Variants in TRAF3 observed in about 807,000 individuals in gnomAD.
The protein encoded by TRAF3 is TNF receptor associated factor 3, also known as TNF receptor-associated factor 3.
TRAF3 carries 13 observed loss-of-function variants against 62.3 expected under a neutral mutation model. The ratio of observed to expected loss-of-function variants is 0.21; its 90% CI spans 0.14 to 0.33. The LOEUF (loss-of-function observed/expected upper bound fraction) is 0.33. TRAF3 is among the 10% of genes least tolerant of loss of function. The pLI is 1.00. For missense variants in TRAF3, 440 were observed against 741.8 expected (o/e 0.59, Z 4.73); for synonymous variants, 269 against 283.4 (o/e 0.95, Z 0.51).
chr14:102,895,183 G>A (rs565757305), intron 9 of TRAF3: 7 of 450,972 alleles, frequency 1.6e-5, no homozygotes, highest in African/African-American at 8.0e-5. Flanking sequence ...CATATGGCCC[G>A]CTCCACATTC....
intron 2 of TRAF3, among the ~76,000 whole-genome samples, chr14:102,839,210 CTTTTTTTTTTTTTTTT>C (rs56998347): frequency 2.2e-5 from 2 of 89,832 alleles, no homozygotes; most frequent in African/African-American, 4.4e-5. Context: ...GTTGATTTGC[CTTTTTTTTTTTTTTTT>C]TTTTTTTTTT....
At chr14:102,890,404 C>A (rs897721180) in intron 8 of TRAF3, among the ~76,000 whole-genome samples, 3 of 150,066 alleles carry the variant, frequency 2.0e-5, no homozygotes, top group Non-Finnish European at 2.9e-5. Flanking sequence ...TTAGTATTTT[C>A]TGAGGAAGAG....
At chr14:102,797,259 T>C (rs1247992004) in intron 1 of TRAF3, among the ~76,000 whole-genome samples, 1 of 152,222 alleles carries the variant, frequency 6.6e-6, no homozygotes, top group East Asian at 1.9e-4. Context: ...CACTCAGGCT[T>C]GGAGTGAAAC....
In TRAF3 at chr14:102,902,537, G is replaced by GAGACC. The variant is rs576950164; in HGVS notation, c.961-717_961-713dup. On this transcript the variant is annotated intron_variant, in intron 10 of 11. Coordinates refer to ENST00000392745, the MANE Select transcript of TRAF3 (RefSeq NM_145725.3). ...GGCATGATTCTGGCATCCTAAACCT[G>GAGACC]AGACCCTGTGGCAGCCATGCAGGGC... is the stretch of plus-strand genomic sequence containing the variant. 5.5e-3 allele frequency among the ~76,000 whole-genome samples: 832 copies of GAGACC among 152,336 alleles called. 7 individuals are homozygous for GAGACC. The highest frequency in any genetic ancestry group is 0.019 in the African/African-American group (794 of 41,578).
intron 2 of TRAF3, among the ~76,000 whole-genome samples, chr14:102,845,094 C>T (rs949161291): frequency 2.6e-5 from 4 of 152,060 alleles, no homozygotes; most frequent in Middle Eastern, 6.8e-3. Flanking sequence ...GACAGGGTTT[C>T]ACTGTGTTAA....
rs773578130 is a variant in TRAF3, at chr14:102,903,631, C to G, written c.1135+202C>G. The G allele has an allele frequency of 3.8e-6, 3 of 792,354 alleles. No individual in the cohort carries two copies. Among genetic ancestry groups the G allele is most frequent in the South Asian group, 2.9e-5 (2 of 68,852 alleles). 49.1% of individuals were successfully genotyped at this position (792,354 alleles called of 1,614,324 possible). A position where few individuals can be genotyped will look rare whatever the true frequency, so the allele number is the denominator to read the frequency against. On this transcript the variant is annotated intron_variant, in intron 11 of 11. Transcript: ENST00000392745. The surrounding 1 kb of genome is among the most constrained non-coding windows in gnomAD (Gnocchi z 6.4). The stretch of plus-strand genomic sequence containing the variant: ...ACAAACGTTTCCCGCGCAGGCTTGT[C>G]CCCTCCGTGTGAGGCCCTACATGGT...
At chr14:102,820,525 G>A (rs1215496355) in intron 1 of TRAF3, among the ~76,000 whole-genome samples, 1 of 131,136 alleles carries the variant, frequency 7.6e-6, no homozygotes, top group Non-Finnish European at 1.6e-5. Context: ...GATGTAGGTA[G>A]GTACCTTTAC....
chr14:102,866,850 AACACACACAC>A (rs538121314), intron 2 of TRAF3, among the ~76,000 whole-genome samples: 82 of 132,278 alleles, frequency 6.2e-4, no homozygotes, highest in South Asian at 2.0e-3. Context: ...ATCTCTTGAA[AACACACACAC>A]ACACACACAC....
chr14:102,886,294 G>C, intron 7 of TRAF3, 25 bp downstream of exon 7: 1 of 1,589,034 alleles, frequency 6.3e-7, no homozygotes, highest in Non-Finnish European at 8.6e-7. Context: ...GCCCGGCCGG[G>C]AGTCTGTGGA....
At chr14:102,892,184 A>C (rs1357649044) in intron 9 of TRAF3, among the ~76,000 whole-genome samples, 1 of 151,526 alleles carries the variant, frequency 6.6e-6, no homozygotes, top group Non-Finnish European at 1.5e-5. Flanking sequence ...CAGCCTCCCG[A>C]GTAGCTGGTA....
chr14:102,810,074 C>A (rs1219597737), intron 1 of TRAF3, among the ~76,000 whole-genome samples: 1 of 151,952 alleles, frequency 6.6e-6, no homozygotes, highest in African/African-American at 2.4e-5. Context: ...AATATGTGAC[C>A]CATGAAACAT....
At chr14:102,845,993 A>C (rs1292696370) in intron 2 of TRAF3, among the ~76,000 whole-genome samples, 1 of 147,922 alleles carries the variant, frequency 6.8e-6, no homozygotes, top group African/African-American at 2.6e-5. Context: ...AAAAAAAAAA[A>C]AAAAAAAAAA....
At position 102,889,588 on chromosome 14, in the gene TRAF3, A is replaced by G. The variant is rs780865285; in HGVS notation, c.680A>G (p.Asn227Ser). The change falls in exon 8 of 12, where the codon AAT (asparagine) becomes AGT (serine). Residue 227 changes from asparagine (N) to serine (S), a missense_variant. Asn to Ser is a conservative substitution (Grantham distance 46). This residue lies in a region of TRAF3 where 255 missense variants were observed against 424.1 expected (regional missense o/e 0.60). Transcript: ENST00000392745. The part of the protein sequence containing the change: ...ELSAHLSECV[N>S]APSTCSFKRY... ...AGTGCACACTTGTCAGAGTGTGTCAATGCCCCCAGCACCTGTAGTTTTAAG... is the reference window on the plus strand; with the variant it reads ...AGTGCACACTTGTCAGAGTGTGTCAGTGCCCCCAGCACCTGTAGTTTTAAG... 6.2e-6 allele frequency: 10 copies of G among 1,614,076 alleles called. No individual in the cohort carries two copies. The highest frequency in any genetic ancestry group is 2.7e-5 in the African/African-American group (2 of 74,914).
chr14:102,788,585 G>A (rs1018465492), intron 1 of TRAF3, among the ~76,000 whole-genome samples: 2 of 152,072 alleles, frequency 1.3e-5, no homozygotes, highest in Non-Finnish European at 1.5e-5. Context: ...GGATCATGAG[G>A]TCAAGAGATC....
Position 102,903,943 on chromosome 14 carries a change from T to A in TRAF3, c.1135+514T>A. The A allele has an allele frequency of 2.6e-6, 1 of 386,142 alleles. No individual in the cohort carries two copies. The highest frequency in any genetic ancestry group is 5.2e-6 in the Non-Finnish European group (1 of 190,686). 23.9% of individuals were successfully genotyped at this position (386,142 alleles called of 1,614,324 possible). A position where few individuals can be genotyped will look rare whatever the true frequency, so the allele number is the denominator to read the frequency against. On this transcript the variant is annotated intron_variant, in intron 11 of 11. Transcript: ENST00000392745. The surrounding 1 kb of genome is among the most constrained non-coding windows in gnomAD (Gnocchi z 6.4). ...ATTAATGGCAGAAAGGAACACAGATTACCGGTGTGTGTGTGGGGCCGGATG... is the reference window on the plus strand; with the variant it reads ...ATTAATGGCAGAAAGGAACACAGATAACCGGTGTGTGTGTGGGGCCGGATG...
chr14:102,806,162 A>G (rs937634452), intron 1 of TRAF3, among the ~76,000 whole-genome samples: 1 of 152,226 alleles, frequency 6.6e-6, no homozygotes, highest in African/African-American at 2.4e-5. Flanking sequence ...ATATCCCTAC[A>G]GCAAAGAGTT....
rs187594343 is a variant in TRAF3, at chr14:102,813,044, C to G, written c.-156-17290C>G. Among the ~76,000 whole-genome samples, 436 of 152,138 alleles carry G rather than the reference C, an allele frequency of 2.9e-3. 1 individual carries two copies. Among genetic ancestry groups the G allele is most frequent in the African/African-American group, 9.7e-3 (405 of 41,542 alleles). On this transcript the variant is annotated intron_variant, in intron 1 of 11. Coordinates refer to ENST00000392745, the MANE Select transcript of TRAF3 (RefSeq NM_145725.3). ...AGGTTGGAGTGCAATGGCACAATCT[C>G]GGCTCACCACAATCTCCGCCTCCCA...
intron 2 of TRAF3, among the ~76,000 whole-genome samples, chr14:102,859,929 CTTG>C (rs951753805): frequency 7.9e-5 from 12 of 152,216 alleles, no homozygotes; most frequent in African/African-American, 2.9e-4. Context: ...AGCCCCAAAA[CTTG>C]AGGGTCCCAT....
Position 102,882,324 on chromosome 14 carries a change from G to A in TRAF3, c.571-3865G>A, listed in dbSNP as rs186733399. ...CTTGAGATGAAACAAGTTGAAAACC[G>A]TTTGAGCAGTGTTGACAGTAGAGTG... On this transcript the variant is annotated intron_variant, in intron 6 of 11. Transcript: ENST00000392745. Among the ~76,000 whole-genome samples, 22 of 152,332 alleles carry A rather than the reference G, an allele frequency of 1.4e-4. No individual in the cohort carries two copies. In the East Asian group the frequency reaches 4.2e-3, roughly 29 times the overall value.
Sources: gnomAD v4.1 joint callset for allele counts (sites outside exome capture counted in the v4.1 genomes callset) on GRCh38, gnomAD v4.1.1 for gene constraint, gnomAD v4.1.1 regional missense constraint, Gnocchi (gnomAD v3.1) non-coding constraint, MANE v1.5 for transcripts, NCBI Gene and HGNC (gene_info 2026-07-23, HGNC 2026-07-21) for gene names.